The following RASAL2 variants were observed in gnomAD, a reference collection of about 807,000 sequenced individuals.
RASAL2 encodes RAS protein activator like 2, also known as ras GTPase-activating protein nGAP.
A neutral mutation model predicts 128.9 loss-of-function variants in RASAL2; 58 were observed. The ratio of observed to expected loss-of-function variants is 0.45; its 90% CI spans 0.36 to 0.56. The LOEUF (loss-of-function observed/expected upper bound fraction) is 0.56, where lower values mean the gene tolerates loss of function less well. Among genes scored for constraint, RASAL2 ranks in the 20% least tolerant of loss-of-function variants. The pLI is 0.00. For missense variants in RASAL2, 1,360 were observed against 1,601.6 expected, an observed-to-expected ratio of 0.85 and a Z score of 2.57; for synonymous variants, 561 against 580.8, an observed-to-expected ratio of 0.97 and a Z score of 0.49.
At chr1:178,370,998 GA>G (rs1199258262) in intron 3 of RASAL2, among the ~76,000 whole-genome samples, 4 of 151,258 alleles carry the variant, frequency 2.6e-5, no homozygotes, top group Non-Finnish European at 5.9e-5. Flanking sequence ...TAATACAGGG[GA>G]AAAAAAGCTC....
intron 1 of RASAL2, among the ~76,000 whole-genome samples, chr1:178,231,126 T>C (rs550182174): frequency 6.6e-6 from 1 of 152,284 alleles, no homozygotes; most frequent in South Asian, 2.1e-4. Flanking sequence ...GGAAACTGCC[T>C]TTCCCTGGTG....
At chr1:178,364,095 C>CAAAAAAAAAAAAA (rs1331381002) in intron 3 of RASAL2, among the ~76,000 whole-genome samples, 1 of 108,254 alleles carries the variant, frequency 9.2e-6, no homozygotes, top group African/African-American at 3.3e-5. Context: ...GACTCCATCT[C>CAAAAAAAAAAAAA]AAAAAAAAAA....
chr1:178,094,151 G>T lies in RASAL2; in HGVS notation c.-342G>T, dbSNP rs1011793941. The T allele has an allele frequency of 3.1e-6, 1 of 318,704 alleles. No individual in the cohort carries two copies. Among genetic ancestry groups the T allele is most frequent in the Non-Finnish European group, 5.7e-6 (1 of 174,282 alleles). The allele number at this position is 318,704 out of a possible 1,614,324, so 19.7% of individuals were successfully genotyped here. A position where few individuals can be genotyped will look rare whatever the true frequency, so the allele number is the denominator to read the frequency against. On this transcript the variant is annotated 5_prime_UTR_variant, in exon 1 of 18. Coordinates refer to ENST00000367649, the MANE Select transcript of RASAL2 (RefSeq NM_170692.4). ...GACGCCGGCGGGGCTGAAGAAGGCGGCTCCGAGGAGGTGGGAGGGCGAGCC... is the reference window on the plus strand; with the variant it reads ...GACGCCGGCGGGGCTGAAGAAGGCGTCTCCGAGGAGGTGGGAGGGCGAGCC...
chr1:178,420,543 C>G lies in RASAL2; in HGVS notation c.597C>G (p.Ile199Met), dbSNP rs555489829. ...TCAGCAAGCGCCTGAAAGGCTCCAT[C>G]AAGAGGACCAAAAGCCAGTCAAAGC... ...GFFSKRLKGS[I>M]KRTKSQSKLD... is the part of the protein sequence containing the mutation. The change falls in exon 5 of 18, where the codon ATC (isoleucine) becomes ATG (methionine). Residue 199 changes from isoleucine (I) to methionine (M), a missense_variant. Ile to Met is a conservative substitution (Grantham distance 10). This residue lies in a region of RASAL2 where 617 missense variants were observed against 714.2 expected (regional missense o/e 0.86). Transcript: ENST00000367649. 6.2e-7 allele frequency: 1 copy of G among 1,613,120 alleles called. No individual in the cohort carries two copies. Among genetic ancestry groups the G allele is most frequent in the East Asian group, 2.2e-5 (1 of 44,822 alleles).
At chr1:178,445,401 ATCTGATAGCTT>A in intron 8 of RASAL2, 106 bp from the exon 9 acceptor site, 2 of 1,200,864 alleles carry the variant, frequency 1.7e-6, no homozygotes, top group African/African-American at 1.5e-5. Context: ...TTTCAGATGA[ATCTGATAGCTT>A]TAGTTTTAAA....
chr1:178,182,073 C>T (rs1662133261), intron 1 of RASAL2, among the ~76,000 whole-genome samples: 3 of 152,144 alleles, frequency 2.0e-5, no homozygotes, highest in African/African-American at 7.2e-5. Flanking sequence ...ACACAGATTA[C>T]TTGAAATTGT....
intron 1 of RASAL2, among the ~76,000 whole-genome samples, chr1:178,262,700 C>A (rs960544804): frequency 7.2e-5 from 11 of 151,996 alleles, no homozygotes; most frequent in African/African-American, 1.7e-4. Context: ...TGGTAAGAGA[C>A]TTTTAGAGCT....
chr1:178,300,203 C>A, intron 3 of RASAL2, 85 bp downstream of exon 3: 1 of 1,406,858 alleles, frequency 7.1e-7, no homozygotes, highest in Non-Finnish European at 9.6e-7. Context: ...GAACATCCTG[C>A]ATTTCCTGTT....
At chr1:178,111,238 T>C (rs2102246024) in intron 1 of RASAL2, among the ~76,000 whole-genome samples, 1 of 152,300 alleles carries the variant, frequency 6.6e-6, no homozygotes, top group East Asian at 1.9e-4. Flanking sequence ...TGTGAACATT[T>C]GTGTACTAGT....
intron 1 of RASAL2, among the ~76,000 whole-genome samples, chr1:178,133,382 C>CT (rs1660194077): frequency 6.6e-6 from 1 of 152,142 alleles, no homozygotes; most frequent in Non-Finnish European, 1.5e-5. Flanking sequence ...CCTAGCAACT[C>CT]TATGAATAGC....
chr1:178,220,759 T>C (rs1261731257), intron 1 of RASAL2, among the ~76,000 whole-genome samples: 1 of 152,242 alleles, frequency 6.6e-6, no homozygotes, highest in African/African-American at 2.4e-5. Context: ...GGCTCATTTC[T>C]TTTTAGCACT....
chr1:178,232,339 A>G (rs1040588009), intron 1 of RASAL2, among the ~76,000 whole-genome samples: 1 of 152,200 alleles, frequency 6.6e-6, no homozygotes, highest in African/African-American at 2.4e-5. Flanking sequence ...TAAGGAGCAC[A>G]AAGAGGAATA....
chr1:178,312,847 A>C (rs1668324462), intron 3 of RASAL2, among the ~76,000 whole-genome samples: 1 of 152,258 alleles, frequency 6.6e-6, no homozygotes, highest in South Asian at 2.1e-4. Context: ...GAAACAAAAA[A>C]GTAGCTCAGG....
intron 5 of RASAL2, among the ~76,000 whole-genome samples, chr1:178,426,393 T>C (rs1675516446): frequency 6.6e-6 from 1 of 152,092 alleles, no homozygotes; most frequent in Non-Finnish European, 1.5e-5. Flanking sequence ...GGAGGATCAC[T>C]TTAGGCCAGG....
intron 1 of RASAL2, among the ~76,000 whole-genome samples, chr1:178,232,125 AGT>A (rs1469593442): frequency 6.6e-6 from 1 of 152,148 alleles, no homozygotes; most frequent in Non-Finnish European, 1.5e-5. Flanking sequence ...CAACTTGCAG[AGT>A]GACTTTGATT....
chr1:178,169,708 G>A (rs1459148368), intron 1 of RASAL2, among the ~76,000 whole-genome samples: 1 of 151,974 alleles, frequency 6.6e-6, no homozygotes, highest in Non-Finnish European at 1.5e-5. Context: ...CATATGCTGA[G>A]TTCTGAATGT....
At chr1:178,155,633 G>A (rs947145481) in intron 1 of RASAL2, among the ~76,000 whole-genome samples, 4 of 150,582 alleles carry the variant, frequency 2.7e-5, no homozygotes, top group Admixed American at 6.6e-5. Flanking sequence ...GATCACTGTC[G>A]TCTTGCCAGT....
chr1:178,455,286 T>C (rs994141121), intron 12 of RASAL2, among the ~76,000 whole-genome samples: 10 of 152,190 alleles, frequency 6.6e-5, no homozygotes, highest in African/African-American at 2.4e-4. Flanking sequence ...ATAGATTTGG[T>C]AGTAAAAAAT....
chr1:178,304,459 G>T (rs971910862), intron 3 of RASAL2, among the ~76,000 whole-genome samples: 7 of 152,148 alleles, frequency 4.6e-5, no homozygotes, highest in African/African-American at 1.7e-4. Flanking sequence ...GGAGGTTGAG[G>T]CTACCGTGAG....
Sources: gnomAD v4.1 joint callset for allele counts (sites outside exome capture counted in the v4.1 genomes callset) on GRCh38, gnomAD v4.1.1 for gene constraint, gnomAD v4.1.1 regional missense constraint, MANE v1.5 for transcripts, NCBI Gene and HGNC (gene_info 2026-07-23, HGNC 2026-07-21) for gene names.